Variants in CEP112 observed in about 807,000 individuals in gnomAD.
CEP112 encodes the protein centrosomal protein 112, also known as centrosomal protein of 112 kDa.
In CEP112, 127 loss-of-function variants were observed where a neutral mutation model predicts 153.0. The observed-to-expected ratio is 0.83, with a 90% CI of 0.72 to 0.96. CEP112 has a LOEUF of 0.96. Ranked by LOEUF, CEP112 falls within the 40% of genes least tolerant of loss-of-function variation. The pLI is 0.00. For synonymous variants in CEP112, 358 were observed against 374.4 expected (o/e 0.96, Z 0.51); for missense variants, 1,089 against 1,101.2 (o/e 0.99, Z 0.16).
intron 4 of CEP112, among the ~76,000 whole-genome samples, chr17:66,151,181 T>C (rs1347972832): frequency 6.6e-6 from 1 of 152,236 alleles, no homozygotes; most frequent in African/African-American, 2.4e-5. Flanking sequence ...AGTTCATTTA[T>C]ATTTAATGTA....
chr17:65,902,471 A>T, intron 19 of CEP112, 137 bp from the exon 20 acceptor site: 1 of 563,072 alleles, frequency 1.8e-6, no homozygotes, highest in Non-Finnish European at 2.9e-6. Context: ...TCACCCTCGA[A>T]ATACTCTCAT....
At chr17:65,721,375 T>A (rs1457547915) in intron 23 of CEP112, among the ~76,000 whole-genome samples, 2 of 152,102 alleles carry the variant, frequency 1.3e-5, no homozygotes, top group East Asian at 3.9e-4. Flanking sequence ...CTTTAAGCCT[T>A]AAGAAAAATG....
chr17:66,131,746 C>G (rs536195134), intron 5 of CEP112, among the ~76,000 whole-genome samples: 30 of 151,316 alleles, frequency 2.0e-4, no homozygotes, highest in Admixed American at 1.1e-3. Flanking sequence ...GACTCCATCA[C>G]AAAAAAACAA....
intron 17 of CEP112, among the ~76,000 whole-genome samples, chr17:65,962,016 CA>C (rs765614835): frequency 6.6e-6 from 1 of 152,162 alleles, no homozygotes; most frequent in Non-Finnish European, 1.5e-5. Flanking sequence ...CAAAAAGTTA[CA>C]TATTGTATGA....
chr17:65,826,287 G>C (rs1174897839), intron 21 of CEP112: 2 of 1,613,950 alleles, frequency 1.2e-6, no homozygotes, highest in Admixed American at 1.7e-5. Context: ...TCTAAACTCA[G>C]AGAAGCCCAC....
intron 4 of CEP112, among the ~76,000 whole-genome samples, chr17:66,133,791 G>A (rs1172672310): frequency 6.6e-6 from 1 of 152,120 alleles, no homozygotes; most frequent in Non-Finnish European, 1.5e-5. Context: ...CCTACACGAA[G>A]TATTTCTAAA....
chr17:65,994,904 A>C (rs73342649), intron 17 of CEP112, among the ~76,000 whole-genome samples: 162 of 152,180 alleles, frequency 1.1e-3, no homozygotes, highest in African/African-American at 3.7e-3. Flanking sequence ...CCATTGGCCT[A>C]ATCACAAGTG....
chr17:65,958,062 T>A (rs987087089), intron 18 of CEP112, among the ~76,000 whole-genome samples: 3 of 152,210 alleles, frequency 2.0e-5, no homozygotes, highest in African/African-American at 7.2e-5. Flanking sequence ...TAGAATTCTA[T>A]TCTTAAGTAG....
intron 21 of CEP112, among the ~76,000 whole-genome samples, chr17:65,828,905 T>C (rs996548669): frequency 6.6e-5 from 10 of 151,878 alleles, no homozygotes; most frequent in African/African-American, 2.2e-4. Context: ...TTGACACTGA[T>C]ATTATGCTAA....
chr17:65,640,790 T>G (rs1319585319), intron 25 of CEP112, among the ~76,000 whole-genome samples, 174 bp downstream of exon 25: 2 of 152,182 alleles, frequency 1.3e-5, no homozygotes, highest in Non-Finnish European at 2.9e-5. Flanking sequence ...AGACAGTGAG[T>G]TATTAAACAA....
chr17:65,925,334 C>T (rs1167799500), intron 19 of CEP112, among the ~76,000 whole-genome samples: 1 of 152,192 alleles, frequency 6.6e-6, no homozygotes, highest in East Asian at 1.9e-4. Context: ...TTATAAATTA[C>T]CCAGTCTTGG....
At position 66,005,736 on chromosome 17, in the gene CEP112, T is replaced by C; in HGVS notation, c.1690A>G (p.Lys564Glu). The C allele has an allele frequency of 1.2e-6, 2 of 1,609,752 alleles. No individual in the cohort carries two copies. The highest frequency in any genetic ancestry group is 1.3e-5 in the African/African-American group (1 of 74,884). ...HDLQSELDKG[K>E]EDTQKKIHKF... ...TGAATTTTCTTTTGAGTATCTTCTT[T>C]TCCTTTATCAAGTTCACTCTGCAAG... Residue 564 changes from lysine (K) to glutamate (E), a missense_variant, in exon 17 of 27, where the codon AAA becomes GAA. Physicochemically the swap from Lys to Glu is moderately conservative, Grantham distance 56 (BLOSUM62 1). Coordinates refer to ENST00000535342, the MANE Select transcript of CEP112 (RefSeq NM_001199165.4).
intron 23 of CEP112, among the ~76,000 whole-genome samples, chr17:65,693,949 C>A (rs1203128097): frequency 6.6e-6 from 1 of 152,080 alleles, no homozygotes; most frequent in Admixed American, 6.6e-5. Flanking sequence ...AGGCTCTCCC[C>A]AGACCCTGAA....
At chr17:65,813,839 GT>G (rs1222885528) in intron 21 of CEP112, among the ~76,000 whole-genome samples, 1 of 152,164 alleles carries the variant, frequency 6.6e-6, no homozygotes, top group African/African-American at 2.4e-5. Flanking sequence ...AAGAATCTGT[GT>G]TGTATCTGAC....
At chr17:65,665,631 G>A (rs1291666804) in intron 24 of CEP112, among the ~76,000 whole-genome samples, 1 of 152,194 alleles carries the variant, frequency 6.6e-6, no homozygotes, top group Non-Finnish European at 1.5e-5. Context: ...CCAACAATAA[G>A]GGAACAGAGT....
intron 6 of CEP112, among the ~76,000 whole-genome samples, chr17:66,102,235 C>T (rs772248858): frequency 7.2e-5 from 11 of 152,080 alleles, no homozygotes; most frequent in South Asian, 6.2e-4. Context: ...CTTTGAGAGA[C>T]GTTTATGACA....
chr17:65,793,206 T>C (rs1364939887), intron 21 of CEP112, among the ~76,000 whole-genome samples: 1 of 152,116 alleles, frequency 6.6e-6, no homozygotes, highest in Non-Finnish European at 1.5e-5. Context: ...ATTGTTTGGG[T>C]AGTACAGTTT....
rs564850534 is a variant in CEP112 at position 66,141,427 on chromosome 17, C to T, written c.471-8664G>A. On this transcript the variant is annotated intron_variant, in intron 4 of 26. Transcript: ENST00000535342. ...TTTTTCTTTTATTGTGGTAAAAATA[C>T]ACAACATGAGATCTACTTAAGATTT... is the stretch of plus-strand genomic sequence containing the variant. Among the ~76,000 whole-genome samples, 10 of 149,510 alleles carry T rather than the reference C, an allele frequency of 6.7e-5. No individual in the cohort carries two copies. The South Asian group carries it at 2.1e-3, about 31-fold the overall frequency.
chr17:65,946,565 T>C (rs1012601430), intron 18 of CEP112, among the ~76,000 whole-genome samples: 5 of 152,172 alleles, frequency 3.3e-5, no homozygotes, highest in Non-Finnish European at 7.4e-5. Context: ...TTAATTACCA[T>C]GGTTTAACAG....
Sources: allele counts gnomAD v4.1 joint callset (sites outside exome capture counted in the v4.1 genomes callset), GRCh38; gene constraint gnomAD v4.1.1; transcripts MANE v1.5; gene names NCBI Gene and HGNC (gene_info 2026-07-23, HGNC 2026-07-21).